Variants in CACNA1B observed in about 807,000 individuals in gnomAD.
The protein encoded by CACNA1B is voltage-dependent N-type calcium channel subunit alpha-1B.
In CACNA1B, 70 loss-of-function variants were observed where a neutral mutation model predicts 247.2. The ratio of observed to expected loss-of-function variants is 0.28; its 90% CI spans 0.23 to 0.35. The LOEUF (loss-of-function observed/expected upper bound fraction) is 0.35. Ranked by LOEUF, CACNA1B falls within the 10% of genes least tolerant of loss-of-function variation. The probability of loss-of-function intolerance (pLI) is 1.00; values close to 1 mark genes in which losing one functional copy is unlikely to be tolerated. For synonymous variants in CACNA1B, 1,231 were observed against 1,294.4 expected, an observed-to-expected ratio of 0.95 and a Z score of 1.05; for missense variants, 2,367 against 3,197.4, an observed-to-expected ratio of 0.74 and a Z score of 6.26.
At chr9:137,911,288 T>C (rs527508599) in intron 3 of CACNA1B, among the ~76,000 whole-genome samples, 2 of 152,370 alleles carry the variant, frequency 1.3e-5, no homozygotes, top group African/African-American at 4.8e-5. Context: ...AAATTCCTCT[T>C]TCAATAGTTG....
At chr9:138,077,320 A>G (rs1259547475) in intron 35 of CACNA1B, among the ~76,000 whole-genome samples, 1 of 152,244 alleles carries the variant, frequency 6.6e-6, no homozygotes, top group African/African-American at 2.4e-5. Flanking sequence ...GACTCCGTGC[A>G]GGAGCATCCA....
chr9:137,914,823 C>A lies in CACNA1B; in HGVS notation c.775+17C>A, dbSNP rs958126621. ...ACAGCACAGGTGAGGCCAGGCAGCA[C>A]CCTCCAGCACAGGCAAGTGCCACGG... On this transcript the variant is annotated intron_variant, in intron 5 of 46. Coordinates refer to ENST00000371372, the MANE Select transcript of CACNA1B (RefSeq NM_000718.4). This position sits in a 1 kb window ranked among gnomAD's most constrained non-coding sequence, Gnocchi z 4.3. The A allele has an allele frequency of 6.2e-7, 1 of 1,613,146 alleles. No homozygotes were observed. Among genetic ancestry groups the A allele is most frequent in the Non-Finnish European group, 8.5e-7 (1 of 1,179,414 alleles).
rs1279440346 is a variant in CACNA1B at position 138,011,039 on chromosome 9, G to C, written c.2160+962G>C. ...GCAGCCTGAGCCTCCCTTTGCTTCTGCTCAGCCTTCTTACTCCCACGCCTC... is the reference window on the plus strand; with the variant it reads ...GCAGCCTGAGCCTCCCTTTGCTTCTCCTCAGCCTTCTTACTCCCACGCCTC... On this transcript the variant is annotated intron_variant, in intron 17 of 46. Transcript: ENST00000371372. This position sits in a 1 kb window ranked among gnomAD's most constrained non-coding sequence, Gnocchi z 4.2. 6.6e-6 allele frequency among the ~76,000 whole-genome samples: 1 copy of C among 152,208 alleles called. No homozygotes were observed. The highest frequency in any genetic ancestry group is 1.5e-5 in the Non-Finnish European group (1 of 68,032).
intron 3 of CACNA1B, among the ~76,000 whole-genome samples, chr9:137,897,847 T>G (rs1957189795): frequency 6.6e-6 from 1 of 152,006 alleles, no homozygotes; most frequent in Non-Finnish European, 1.5e-5. Flanking sequence ...GGCCAGCTAA[T>G]TTTTGTATTT....
In CACNA1B at chr9:137,971,986, C is replaced by T. The variant is rs1173882642; in HGVS notation, c.1543+394C>T. Among the ~76,000 whole-genome samples, 1 of 152,186 alleles carries T rather than the reference C, an allele frequency of 6.6e-6. No individual in the cohort carries two copies. The highest frequency in any genetic ancestry group is 1.5e-5 in the Non-Finnish European group (1 of 68,026). ...CACAGACAGGGGACTTAGCCCCACGCTCCTTTCCACCACGTGGCTGCTGAT... is the reference window on the plus strand; with the variant it reads ...CACAGACAGGGGACTTAGCCCCACGTTCCTTTCCACCACGTGGCTGCTGAT... On this transcript the variant is annotated intron_variant, in intron 11 of 46. Transcript: ENST00000371372. The surrounding 1 kb of genome is among the most constrained non-coding windows in gnomAD (Gnocchi z 4.4).
intron 5 of CACNA1B, among the ~76,000 whole-genome samples, chr9:137,916,280 A>G (rs1957410244): frequency 6.6e-6 from 1 of 151,922 alleles, no homozygotes; most frequent in Non-Finnish European, 1.5e-5. Flanking sequence ...CAATCTGCCC[A>G]CCTCAGCCTC....
chr9:138,023,901 C>A, intron 19 of CACNA1B, 90 bp downstream of exon 19: 1 of 676,718 alleles, frequency 1.5e-6, no homozygotes, highest in Non-Finnish European at 2.6e-6. Flanking sequence ...GGGTCCACGG[C>A]GGAGGCTGCA....
chr9:137,961,842 CT>C (rs926625168), intron 10 of CACNA1B, among the ~76,000 whole-genome samples: 3 of 152,014 alleles, frequency 2.0e-5, no homozygotes, highest in Admixed American at 6.6e-5. Context: ...CTGAAGTTTT[CT>C]TTTTTTGTTG....
At chr9:137,949,632 G>A (rs1957855922) in intron 6 of CACNA1B, among the ~76,000 whole-genome samples, 1 of 152,080 alleles carries the variant, frequency 6.6e-6, no homozygotes. Context: ...TGGCGGGCTT[G>A]TGTGCTGTCC....
chr9:138,039,472 A>G (rs1959089828), intron 20 of CACNA1B, among the ~76,000 whole-genome samples: 2 of 152,206 alleles, frequency 1.3e-5, no homozygotes, highest in African/African-American at 2.4e-5. Flanking sequence ...AGAATTATCA[A>G]ACAAACTCTC....
intron 41 of CACNA1B, 62 bp downstream of exon 41, chr9:138,114,552 C>CG: frequency 1.2e-6 from 1 of 823,932 alleles, no homozygotes. Flanking sequence ...TGGCATCCTT[C>CG]GGGGGGTTGA....
chr9:137,949,527 G>T (rs2083481732), intron 6 of CACNA1B, among the ~76,000 whole-genome samples: 1 of 150,602 alleles, frequency 6.6e-6, no homozygotes, highest in Admixed American at 6.6e-5. Flanking sequence ...TGTGTGTGAT[G>T]TGTGTCTGTG....
chr9:137,893,551 T>C (rs752134638), intron 3 of CACNA1B, among the ~76,000 whole-genome samples: 1 of 151,174 alleles, frequency 6.6e-6, no homozygotes, highest in Non-Finnish European at 1.5e-5. Flanking sequence ...CTCAGGGGGC[T>C]GAGGCAGGAG....
At position 138,118,692 on chromosome 9, in the gene CACNA1B, C is replaced by T. The variant is rs1329361746; in HGVS notation, c.5954C>T (p.Pro1985Leu). ...ATGCAGAGCATAACCCGGAGGGGCC[C>T]TGATGGGGAGCCCCAGCCTGGGCTG... is the stretch of plus-strand genomic sequence containing the variant. ...VQMQSITRRG[P>L]DGEPQPGLES... The change falls in exon 44 of 47, where the codon CCT becomes CTT. Residue 1985 changes from proline (P) to leucine (L), a missense_variant. Transcript: ENST00000371372. 8 of 1,567,824 alleles carry T rather than the reference C, an allele frequency of 5.1e-6. No individual in the cohort carries two copies. Among genetic ancestry groups the T allele is most frequent in the Non-Finnish European group, 6.9e-6 (8 of 1,156,536 alleles).
chr9:138,005,025 T>G (rs537266486), intron 15 of CACNA1B, among the ~76,000 whole-genome samples: 1 of 152,310 alleles, frequency 6.6e-6, no homozygotes, highest in East Asian at 1.9e-4. Context: ...TCTCTCACAC[T>G]GTTGATGGGA....
chr9:138,077,805 C>T (rs769459534), intron 35 of CACNA1B, among the ~76,000 whole-genome samples: 7 of 152,182 alleles, frequency 4.6e-5, no homozygotes, highest in East Asian at 1.9e-4. Flanking sequence ...ACCAAGATGG[C>T]GTGTGTCTGG....
intron 6 of CACNA1B, among the ~76,000 whole-genome samples, chr9:137,927,950 T>C (rs1202227391): frequency 2.0e-5 from 3 of 152,238 alleles, no homozygotes; most frequent in African/African-American, 7.2e-5. Flanking sequence ...TTTTGAATAT[T>C]GAACCAGCCT....
At chr9:137,988,846 G>C (rs1958398379) in intron 15 of CACNA1B, among the ~76,000 whole-genome samples, 1 of 152,206 alleles carries the variant, frequency 6.6e-6, no homozygotes, top group Non-Finnish European at 1.5e-5. Context: ...GCAGAGACCA[G>C]GAAGGCTGCA....
At chr9:138,016,652 C>T (rs1001439880) in intron 18 of CACNA1B, among the ~76,000 whole-genome samples, 16 of 151,954 alleles carry the variant, frequency 1.1e-4, no homozygotes, top group Admixed American at 4.6e-4. Context: ...TCTCGAGGGC[C>T]GGGAGACGGT....
Sources: gnomAD v4.1 joint callset for allele counts (sites outside exome capture counted in the v4.1 genomes callset) on GRCh38, gnomAD v4.1.1 for gene constraint, Gnocchi (gnomAD v3.1) non-coding constraint, MANE v1.5 for transcripts, NCBI Gene and HGNC (gene_info 2026-07-23, HGNC 2026-07-21) for gene names.